The following MARF1 variants were observed in gnomAD, a reference collection of about 807,000 sequenced individuals.
MARF1 encodes limkain-b1.
In MARF1, 24 loss-of-function variants were observed where a neutral mutation model predicts 168.2. That is an observed-to-expected ratio of 0.14 (90% CI 0.10 to 0.20). The LOEUF (loss-of-function observed/expected upper bound fraction) is 0.20. Among genes scored for constraint, MARF1 ranks in the 10% least tolerant of loss-of-function variants. The pLI, the probability that MARF1 is intolerant of heterozygous loss-of-function variation, is 1.00. For missense variants in MARF1, 1,744 were observed against 2,143.6 expected (o/e 0.81, Z 3.68); for synonymous variants, 868 against 822.4 (o/e 1.06, Z -0.95).
At chr16:15,633,426 A>T (rs943210421) in intron 5 of MARF1, among the ~76,000 whole-genome samples, 191 bp downstream of exon 5, 2 of 152,084 alleles carry the variant, frequency 1.3e-5, no homozygotes, top group African/African-American at 4.8e-5. Flanking sequence ...TGCATCTGTG[A>T]TCCTGGCTAG....
Position 15,635,701 on chromosome 16 carries a change from C to T in MARF1, c.786G>A (p.Pro262=), listed in dbSNP as rs770537911. The T allele has an allele frequency of 1.2e-5, 19 of 1,613,954 alleles. No homozygotes were observed. Among genetic ancestry groups the T allele is most frequent in the South Asian group, 5.5e-5 (5 of 91,092 alleles). ...TNSLHLNVVP[P]VCLKGSLYCE... ...AGTAAAGTGAGCCCTTTAAACAAAC[C>T]GGAGGTACCACATTAAGGTGCAAAG... The change falls in exon 3 of 27, where the codon CCG becomes CCA. Residue 262 remains proline, a synonymous_variant. Coordinates refer to ENST00000396368, the MANE Select transcript of MARF1 (RefSeq NM_014647.4).
intron 6 of MARF1, among the ~76,000 whole-genome samples, 168 bp downstream of exon 6, chr16:15,631,213 C>T (rs1358218549): frequency 6.6e-6 from 1 of 152,140 alleles, no homozygotes; most frequent in Admixed American, 6.5e-5. Flanking sequence ...TACAGAAATC[C>T]ACCTAGACCC....
intron 7 of MARF1, among the ~76,000 whole-genome samples, chr16:15,628,157 G>A (rs1470804215): frequency 1.3e-5 from 2 of 152,098 alleles, no homozygotes; most frequent in Non-Finnish European, 2.9e-5. Flanking sequence ...AAATGTGGCA[G>A]ATTTATATTA....
At position 15,615,986 on chromosome 16, in the gene MARF1, C is replaced by T; in HGVS notation, c.3097G>A (p.Ala1033Thr). 6.6e-7 allele frequency: 1 copy of T among 1,515,356 alleles called. No individual in the cohort carries two copies. Among genetic ancestry groups the T allele is most frequent in the South Asian group, 1.3e-5 (1 of 77,634 alleles). 93.9% of individuals were successfully genotyped at this position (1,515,356 alleles called of 1,614,324 possible). A position where few individuals can be genotyped will look rare whatever the true frequency, so the allele number is the denominator to read the frequency against. The change falls in exon 16 of 27, where the codon GCA becomes ACA. Residue 1033 changes from alanine to threonine, a missense_variant. By Grantham distance (58) the Ala-to-Thr change is moderately conservative. Around this residue, in one of 7 missense-constraint regions of MARF1, gnomAD observed 543 missense variants for 742.1 expected, o/e 0.73. Coordinates refer to ENST00000396368, the MANE Select transcript of MARF1 (RefSeq NM_014647.4). ...ACTACTTCTAGATCGCCAAACTCTG[C>T]AATGTAACAATCTGGAAAGCTGAAA... ...PLLSFPDCYI[A>T]EFGDLEVVQE... is the part of the protein sequence containing the mutation.
At position 15,625,811 on chromosome 16, in the gene MARF1, G is replaced by A; in HGVS notation, c.1525-11C>T. On this transcript the variant is annotated splice_polypyrimidine_tract_variant and intron_variant, in intron 7 of 26. Coordinates refer to ENST00000396368, the MANE Select transcript of MARF1 (RefSeq NM_014647.4). ...CAGAGTGTGGCACTGCTAATACAGA[G>A]GAAAGAAGTGTTACGTCAGGTTAAT... is the stretch of plus-strand genomic sequence containing the variant. 1 of 1,601,158 alleles carries A rather than the reference G, an allele frequency of 6.2e-7. No individual in the cohort carries two copies. Among genetic ancestry groups the A allele is most frequent in the East Asian group, 2.2e-5 (1 of 44,682 alleles).
rs189298114 is a variant in MARF1, at chr16:15,608,039, C to A, written c.4182+252G>T. ...GGTGAAGAGTGACCTCATCAGTTCACAAAGGCATTGCTTTGGCAAGGCCAT... is the reference window on the plus strand; with the variant it reads ...GGTGAAGAGTGACCTCATCAGTTCAAAAAGGCATTGCTTTGGCAAGGCCAT... On this transcript the variant is annotated intron_variant, in intron 21 of 26. Coordinates refer to ENST00000396368, the MANE Select transcript of MARF1 (RefSeq NM_014647.4). Among the ~76,000 whole-genome samples, 15 of 152,284 alleles carry A rather than the reference C, an allele frequency of 9.9e-5. No homozygotes were observed. The East Asian group carries it at 2.5e-3, about 25-fold the overall frequency.
chr16:15,606,636 C>A (rs930893627), intron 21 of MARF1, among the ~76,000 whole-genome samples: 1 of 152,102 alleles, frequency 6.6e-6, no homozygotes, highest in Non-Finnish European at 1.5e-5. Context: ...AACATCAGAC[C>A]TGCCCATGCC....
rs184933726 is a variant in MARF1 at position 15,636,117 on chromosome 16, C to T, written c.370G>A (p.Gly124Arg). Residue 124 changes from glycine (G) to arginine (R), a missense_variant, in exon 3 of 27, where the codon GGA becomes AGA. By Grantham distance (125) the Gly-to-Arg change is moderately radical (BLOSUM62 -2). This residue lies in a region of MARF1 where 318 missense variants were observed against 336.6 expected (regional missense o/e 0.94). Coordinates refer to ENST00000396368, the MANE Select transcript of MARF1 (RefSeq NM_014647.4). Reference sequence around the variant, plus strand: ...GGGTGAATCAAGCTACTGGTACCTCCGCTACCGCCACCACCACCACCAAAA... The same window carrying T: ...GGGTGAATCAAGCTACTGGTACCTCTGCTACCGCCACCACCACCACCAAAA... ...MRFGGGGGGS[G>R]GTSSLIHPGA... 1.4e-5 allele frequency: 23 copies of T among 1,614,210 alleles called. No homozygotes were observed. In the East Asian group the frequency reaches 1.6e-4, roughly 11 times the overall value.
chr16:15,618,190 T>C (rs1411820327), intron 13 of MARF1, among the ~76,000 whole-genome samples: 2 of 152,194 alleles, frequency 1.3e-5, no homozygotes, highest in Non-Finnish European at 2.9e-5. Context: ...TTAAGTGTGG[T>C]TAGGCCTGGA....
At chr16:15,621,245 C>CT (rs2034439269) in intron 12 of MARF1, among the ~76,000 whole-genome samples, 1 of 152,166 alleles carries the variant, frequency 6.6e-6, no homozygotes, top group Non-Finnish European at 1.5e-5. Flanking sequence ...AAAGAAGTAT[C>CT]ACATTTTACT....
chr16:15,621,702 TC>T (rs770795957), intron 12 of MARF1, 30 bp downstream of exon 12: 3 of 1,591,500 alleles, frequency 1.9e-6, no homozygotes, highest in Non-Finnish European at 2.6e-6. Context: ...AAATGTTATT[TC>T]CTGAAATAAA....
intron 23 of MARF1, chr16:15,600,918 A>G (rs780477192): frequency 7.1e-6 from 5 of 702,554 alleles, no homozygotes; most frequent in Non-Finnish European, 1.3e-5. Flanking sequence ...TTCAAAAATC[A>G]TGAGACACAG....
At chr16:15,635,391 C>T (rs1172695753) in intron 3 of MARF1, 2 of 493,248 alleles carry the variant, frequency 4.1e-6, no homozygotes, top group Non-Finnish European at 7.1e-6. Flanking sequence ...ACATAGAACA[C>T]GAAGGCTTTG....
chr16:15,633,481 G>C (rs569469046), intron 5 of MARF1, 136 bp downstream of exon 5: 3 of 635,802 alleles, frequency 4.7e-6, no homozygotes, highest in East Asian at 5.7e-5. Context: ...CAGGGTTCGA[G>C]GCTGCAGGGA....
intron 7 of MARF1, among the ~76,000 whole-genome samples, chr16:15,626,961 GAAAA>G (rs71134441): frequency 8.6e-6 from 1 of 116,386 alleles, no homozygotes; most frequent in Non-Finnish European, 1.7e-5. Flanking sequence ...GAGATTCTGT[GAAAA>G]AAAAAAAAAA....
At chr16:15,611,798 G>C in intron 17 of MARF1, 64 bp from the exon 18 acceptor site, 2 of 1,435,574 alleles carry the variant, frequency 1.4e-6, no homozygotes, top group Admixed American at 3.6e-5. Flanking sequence ...CCTTGCTGCT[G>C]GCTCACCCTC....
intron 26 of MARF1, among the ~76,000 whole-genome samples, chr16:15,598,531 G>A (rs2032005808): frequency 3.3e-5 from 5 of 152,118 alleles, no homozygotes; most frequent in Admixed American, 3.3e-4. Flanking sequence ...GTGTGCCTGA[G>A]AGCAGCTGAA....
chr16:15,635,049 C>T, intron 3 of MARF1, 118 bp from the exon 4 acceptor site: 1 of 789,650 alleles, frequency 1.3e-6, no homozygotes, highest in Non-Finnish European at 2.0e-6. Context: ...TTGCTAGCCT[C>T]TAATAAAAAG....
chr16:15,628,779 C>T (rs1238222249), intron 7 of MARF1, among the ~76,000 whole-genome samples: 2 of 152,070 alleles, frequency 1.3e-5, no homozygotes, highest in Non-Finnish European at 2.9e-5. Context: ...CAATTATCAA[C>T]AAAATCTACA....
Sources: allele counts gnomAD v4.1 joint callset (sites outside exome capture counted in the v4.1 genomes callset), GRCh38; gene constraint gnomAD v4.1.1; regional missense constraint gnomAD v4.1.1; transcripts MANE v1.5; gene names NCBI Gene and HGNC (gene_info 2026-07-23, HGNC 2026-07-21).